The following SNX18 variants were observed in gnomAD, a reference collection of about 807,000 sequenced individuals.
SNX18 encodes sorting nexin-18.
In SNX18, 35 loss-of-function variants were observed where a neutral mutation model predicts 48.7. The ratio of observed to expected loss-of-function variants is 0.72; its 90% CI spans 0.55 to 0.95. The LOEUF is 0.95. SNX18 is among the 40% of genes least tolerant of loss of function. The pLI is 0.00. For synonymous variants in SNX18, 492 were observed against 384.7 expected, an observed-to-expected ratio of 1.28 and a Z score of -3.26; for missense variants, 824 against 871.0, an observed-to-expected ratio of 0.95 and a Z score of 0.68.
the SNX18 span, among the ~76,000 whole-genome samples, chr5:54,606,884 G>A: frequency 6.6e-6 from 1 of 152,058 alleles, no homozygotes; most frequent in Non-Finnish European, 1.5e-5. Context: ...ATAGGTTTGT[G>A]TATCCACCAC....
chr5:54,632,458 A>AT, the SNX18 span, among the ~76,000 whole-genome samples: 1 of 152,220 alleles, frequency 6.6e-6, no homozygotes, highest in Non-Finnish European at 1.5e-5. Context: ...TCTGTGCACC[A>AT]TGGTGGCCTG....
chr5:54,535,928 T>C (rs1762344179), intron 1 of SNX18, among the ~76,000 whole-genome samples: 1 of 152,094 alleles, frequency 6.6e-6, no homozygotes, highest in Non-Finnish European at 1.5e-5. Flanking sequence ...GACCTCAGGG[T>C]TATTAGTTCC....
At chr5:54,623,447 G>A in the SNX18 span, among the ~76,000 whole-genome samples, 1 of 152,056 alleles carries the variant, frequency 6.6e-6, no homozygotes, top group Admixed American at 6.6e-5. Flanking sequence ...GACTGCCTGA[G>A]CACAGGCCAC....
At chr5:54,579,055 A>G in the SNX18 span, among the ~76,000 whole-genome samples, 4 of 152,178 alleles carry the variant, frequency 2.6e-5, no homozygotes, top group Non-Finnish European at 4.4e-5. Flanking sequence ...GAACCATCCC[A>G]TAGGCTGGGT....
At chr5:54,591,621 G>A in the SNX18 span, among the ~76,000 whole-genome samples, 1 of 152,358 alleles carries the variant, frequency 6.6e-6, no homozygotes, top group East Asian at 1.9e-4. Context: ...TACTGTGGTA[G>A]ATGTCACTAA....
the SNX18 span, among the ~76,000 whole-genome samples, chr5:54,577,161 A>G: frequency 1.3e-5 from 2 of 152,122 alleles, no homozygotes; most frequent in African/African-American, 2.4e-5. Flanking sequence ...TCAAACTTTC[A>G]AAACTCTAAT....
At chr5:54,595,963 T>A in the SNX18 span, among the ~76,000 whole-genome samples, 2 of 152,140 alleles carry the variant, frequency 1.3e-5, no homozygotes, top group Non-Finnish European at 2.9e-5. Context: ...TCCCCTGTGT[T>A]TCATTTATAA....
the SNX18 span, among the ~76,000 whole-genome samples, chr5:54,590,865 G>T: frequency 2.0e-5 from 3 of 152,066 alleles, no homozygotes; most frequent in Non-Finnish European, 4.4e-5. Context: ...GCATGGCATG[G>T]TTATCTCCTG....
At chr5:54,631,585 G>A in the SNX18 span, among the ~76,000 whole-genome samples, 1 of 152,172 alleles carries the variant, frequency 6.6e-6, no homozygotes, top group Non-Finnish European at 1.5e-5. Context: ...CCTCTATTCT[G>A]GGTGCCATGG....
the SNX18 span, among the ~76,000 whole-genome samples, chr5:54,567,628 C>G: frequency 6.6e-6 from 1 of 152,170 alleles, no homozygotes; most frequent in Non-Finnish European, 1.5e-5. Flanking sequence ...ATGCCTTACT[C>G]CCCTTATACA....
chr5:54,614,627 C>A, the SNX18 span, among the ~76,000 whole-genome samples: 1 of 151,902 alleles, frequency 6.6e-6, no homozygotes, highest in African/African-American at 2.4e-5. Flanking sequence ...GGCAACATGG[C>A]AAAACCCCAT....
At chr5:54,566,691 G>T in the SNX18 span, among the ~76,000 whole-genome samples, 32 of 152,326 alleles carry the variant, frequency 2.1e-4, 1 homozygote, top group African/African-American at 7.5e-4. Flanking sequence ...GGTTAGGCCA[G>T]AAGTGGGAAA....
chr5:54,530,071 C>T (rs1762224905), intron 1 of SNX18, among the ~76,000 whole-genome samples: 1 of 152,052 alleles, frequency 6.6e-6, no homozygotes, highest in African/African-American at 2.4e-5. Context: ...TTGCCAGCAG[C>T]CCTTGGTTTT....
At chr5:54,618,544 A>G in the SNX18 span, among the ~76,000 whole-genome samples, 1 of 152,230 alleles carries the variant, frequency 6.6e-6, no homozygotes, top group African/African-American at 2.4e-5. Flanking sequence ...AAATGGGATC[A>G]TTAGATCTGC....
At chr5:54,613,867 G>A in the SNX18 span, among the ~76,000 whole-genome samples, 414 of 152,132 alleles carry the variant, frequency 2.7e-3, 2 homozygotes, top group Non-Finnish European at 3.0e-3. Flanking sequence ...CCCTAATTTT[G>A]TATTTTCAGT....
chr5:54,520,851 C>G (rs1221464481), intron 1 of SNX18: 1 of 167,020 alleles, frequency 6.0e-6, no homozygotes, highest in African/African-American at 2.4e-5. Flanking sequence ...TTGTTGCTGC[C>G]GCTGAAAGGG....
At chr5:54,631,645 G>C in the SNX18 span, among the ~76,000 whole-genome samples, 1 of 151,626 alleles carries the variant, frequency 6.6e-6, no homozygotes. Flanking sequence ...AGGAGACTGG[G>C]AAGATATCAT....
At chr5:54,547,767 T>C (rs560024451), downstream of SNX18, among the ~76,000 whole-genome samples, 1 of 152,276 alleles carries the variant, frequency 6.6e-6, no homozygotes, top group South Asian at 2.1e-4. Flanking sequence ...CTCCATGCAG[T>C]GCCAATAGAA....
At chr5:54,603,675 G>T in the SNX18 span, among the ~76,000 whole-genome samples, 1 of 152,114 alleles carries the variant, frequency 6.6e-6, no homozygotes, top group African/African-American at 2.4e-5. Context: ...TTCCTGGAAG[G>T]CAACTGTCCT....
Sources: gnomAD v4.1 joint callset for allele counts (sites outside exome capture counted in the v4.1 genomes callset) on GRCh38, gnomAD v4.1.1 for gene constraint, MANE v1.5 for transcripts, NCBI Gene and HGNC (gene_info 2026-07-23, HGNC 2026-07-21) for gene names.